The following TRMT13 variants were observed in gnomAD, a reference collection of about 807,000 sequenced individuals.
TRMT13 encodes the protein tRNA:m(4)X modification enzyme TRM13 homolog.
Under a neutral mutation model 55.9 loss-of-function variants are expected in TRMT13, and 45 were observed. That is an observed-to-expected ratio of 0.80 (90% confidence interval 0.63 to 1.03). The LOEUF is 1.03. Ranked by LOEUF, TRMT13 falls within the 50% of genes least tolerant of loss-of-function variation. TRMT13 has a pLI of 0.00. For synonymous variants in TRMT13, 183 were observed against 196.3 expected, an observed-to-expected ratio of 0.93 and a Z score of 0.57; for missense variants, 513 against 563.9, an observed-to-expected ratio of 0.91 and a Z score of 0.91.
chr1:100,135,136 C>G (rs958268142), intron 1 of TRMT13, among the ~76,000 whole-genome samples: 2 of 152,152 alleles, frequency 1.3e-5, no homozygotes, highest in Non-Finnish European at 2.9e-5. Context: ...CTACAAATCA[C>G]AGGACAGCCC....
chr1:100,133,557 C>T (rs778436019), intron 1 of TRMT13, among the ~76,000 whole-genome samples: 10 of 152,144 alleles, frequency 6.6e-5, no homozygotes, highest in Non-Finnish European at 8.8e-5. Flanking sequence ...ATCTATTTAT[C>T]TCGATCTTAA....
Position 100,140,927 on chromosome 1 carries a change from A to G in TRMT13, c.577A>G (p.Lys193Glu). The change falls in exon 7 of 11, where the codon AAG (lysine) becomes GAG (glutamate). Residue 193 changes from lysine (K) to glutamate (E), a missense_variant. By Grantham distance (56) the Lys-to-Glu change is moderately conservative (BLOSUM62 1). Coordinates refer to ENST00000370141, the MANE Select transcript of TRMT13 (RefSeq NM_019083.3). ...ATGCTTTGTTGAGTTTGGAGCGGGA[A>G]AGGGAAAATTATCTCATTGGGTTGA... is the stretch of plus-strand genomic sequence containing the variant. Reference protein sequence around the residue: ...RRCFVEFGAGKGKLSHWVDIA... With the variant: ...RRCFVEFGAGEGKLSHWVDIA... The G allele has an allele frequency of 1.2e-6, 2 of 1,613,872 alleles. No homozygotes were observed. The highest frequency in any genetic ancestry group is 2.2e-5 in the South Asian group (2 of 91,076).
intron 6 of TRMT13, 123 bp downstream of exon 6, chr1:100,140,637 C>A: frequency 1.1e-6 from 1 of 885,722 alleles, no homozygotes; most frequent in Non-Finnish European, 1.7e-6. Flanking sequence ...ATTTCCATTT[C>A]AAAAATATAT....
Position 100,140,432 on chromosome 1 carries a change from A to G in TRMT13, c.419A>G (p.His140Arg), listed in dbSNP as rs756794234. 1.2e-6 allele frequency: 2 copies of G among 1,613,712 alleles called. No homozygotes were observed. The highest frequency in any genetic ancestry group is 1.3e-5 in the African/African-American group (1 of 75,022). ...SEGLNSTLKD[H>R]IMSHPALHDA... ...GGCTTGAATTCTACACTTAAAGATC[A>G]TATTATGTCCCATCCAGCATTACAC... Residue 140 changes from histidine to arginine, a missense_variant, in exon 6 of 11, where the codon CAT becomes CGT. This residue lies in a region of TRMT13 where 298 missense variants were observed against 290.3 expected (regional missense o/e 1.03). Transcript: ENST00000370141.
intron 1 of TRMT13, among the ~76,000 whole-genome samples, chr1:100,133,890 A>G (rs1553219422): frequency 6.6e-6 from 1 of 152,078 alleles, no homozygotes; most frequent in Non-Finnish European, 1.5e-5. Context: ...TACTAAAAAT[A>G]AGAAAATCAG....
chr1:100,133,696 T>A (rs1211820411), intron 1 of TRMT13, among the ~76,000 whole-genome samples: 1 of 152,150 alleles, frequency 6.6e-6, no homozygotes, highest in Admixed American at 6.5e-5. Flanking sequence ...TAATTGTTAT[T>A]TCATGAAAGA....
At chr1:100,141,454 T>G (rs1330817777) in intron 7 of TRMT13, among the ~76,000 whole-genome samples, 1 of 152,138 alleles carries the variant, frequency 6.6e-6, no homozygotes, top group East Asian at 1.9e-4. Context: ...TTCAGCCTCA[T>G]GAGTAGCTGG....
At position 100,139,710 on chromosome 1, in the gene TRMT13, TAGTA is replaced by T; in HGVS notation, c.324+4_324+7del. 6.7e-7 allele frequency: 1 copy of T among 1,499,792 alleles called. No individual in the cohort carries two copies. The highest frequency in any genetic ancestry group is 9.3e-7 in the Non-Finnish European group (1 of 1,080,740). 92.9% of individuals were successfully genotyped at this position (1,499,792 alleles called of 1,614,324 possible). On this transcript the variant is annotated splice_donor_variant and splice_donor_region_variant and coding_sequence_variant and intron_variant, in exon 4 of 11. Transcript: ENST00000370141. LOFTEE classifies it high-confidence loss of function. Reference sequence around the variant, plus strand: ...GATGAAACAGAAATACCTGAACAATTAGTAAGTACATTGACTTAATATTTAATTT... The same window carrying T: ...GATGAAACAGAAATACCTGAACAATTAGTACATTGACTTAATATTTAATTT...
intron 1 of TRMT13, 115 bp downstream of exon 1, chr1:100,133,430 C>T: frequency 1.6e-6 from 2 of 1,267,676 alleles, no homozygotes; most frequent in South Asian, 3.1e-5. Flanking sequence ...CCTGGATTCT[C>T]CAGCTTTCAC....
chr1:100,136,753 T>G, intron 1 of TRMT13, 129 bp from the exon 2 acceptor site: 2 of 910,518 alleles, frequency 2.2e-6, no homozygotes. Flanking sequence ...TTTTGCCAAC[T>G]TTTCATTATG....
In TRMT13 at chr1:100,150,233, A is replaced by G. The variant is rs1657845088; in HGVS notation, c.*1413A>G. 1 of 152,190 alleles carries G rather than the reference A, an allele frequency of 6.6e-6. No homozygotes were observed. The highest frequency in any genetic ancestry group is 2.4e-5 in the African/African-American group (1 of 41,452). The allele number at this position is 152,190 out of a possible 1,614,324, so 9.4% of individuals were successfully genotyped here. A position where few individuals can be genotyped will look rare whatever the true frequency, so the allele number is the denominator to read the frequency against. On this transcript the variant is annotated 3_prime_UTR_variant, in exon 11 of 11. Coordinates refer to ENST00000370141, the MANE Select transcript of TRMT13 (RefSeq NM_019083.3). The stretch of plus-strand genomic sequence containing the variant: ...GTAATAGTAGTGGTAGTAACTCGTG[A>G]ATCTTTTTAATAACATAATAGGCTT...
At position 100,133,327 on chromosome 1, in the gene TRMT13, C is replaced by A. The variant is rs149937321; in HGVS notation, c.147+12C>A. 1 of 1,613,470 alleles carries A rather than the reference C, an allele frequency of 6.2e-7. No individual in the cohort carries two copies. Among genetic ancestry groups the A allele is most frequent in the Non-Finnish European group, 8.5e-7 (1 of 1,179,706 alleles). On this transcript the variant is annotated intron_variant, in intron 1 of 10. Transcript: ENST00000370141. Reference sequence around the variant, plus strand: ...CTGGAGCCGCGGAGGTGTGGTATCGCCCTACTCTCTCAAGAGTCGGAAATA... The same window carrying A: ...CTGGAGCCGCGGAGGTGTGGTATCGACCTACTCTCTCAAGAGTCGGAAATA...
chr1:100,140,155 A>G, intron 4 of TRMT13, 27 bp from the exon 5 acceptor site: 2 of 1,549,458 alleles, frequency 1.3e-6, no homozygotes, highest in Non-Finnish European at 1.8e-6. Context: ...TTTTGGCTAC[A>G]TTATTTAGTT....
chr1:100,136,199 C>A (rs533623907), intron 1 of TRMT13, among the ~76,000 whole-genome samples: 4 of 152,232 alleles, frequency 2.6e-5, no homozygotes, highest in African/African-American at 9.6e-5. Flanking sequence ...GTTGCAAAGC[C>A]AGTAAAATAT....
chr1:100,149,513 C>G lies in TRMT13; in HGVS notation c.*693C>G. The G allele has an allele frequency of 7.5e-7, 1 of 1,333,040 alleles. No individual in the cohort carries two copies. Among genetic ancestry groups the G allele is most frequent in the Non-Finnish European group, 1.0e-6 (1 of 980,866 alleles). 82.6% of individuals were successfully genotyped at this position (1,333,040 alleles called of 1,614,324 possible). On this transcript the variant is annotated 3_prime_UTR_variant, in exon 11 of 11. Transcript: ENST00000370141. ...TCTAGTTAGAACTTCCAAAAAGATA[C>G]TTACAAACATAATTCACAAATTTGA...
At position 100,149,520 on chromosome 1, in the gene TRMT13, A is replaced by G. The variant is rs1174508021; in HGVS notation, c.*700A>G. On this transcript the variant is annotated 3_prime_UTR_variant, in exon 11 of 11. Transcript: ENST00000370141. ...AGAACTTCCAAAAAGATACTTACAA[A>G]CATAATTCACAAATTTGAAATAATT... 4 of 1,279,498 alleles carry G rather than the reference A, an allele frequency of 3.1e-6. No individual in the cohort carries two copies. The highest frequency in any genetic ancestry group is 4.3e-6 in the Non-Finnish European group (4 of 938,474). 79.3% of individuals were successfully genotyped at this position (1,279,498 alleles called of 1,614,324 possible).
intron 8 of TRMT13, 80 bp from the exon 9 acceptor site, chr1:100,143,989 C>G: frequency 8.3e-7 from 1 of 1,201,386 alleles, no homozygotes; most frequent in Non-Finnish European, 1.2e-6. Flanking sequence ...TTCAGAGACT[C>G]TAATTAGTTC....
rs531109631 is a variant in TRMT13 at position 100,135,457 on chromosome 1, C to T, written c.148-1425C>T. ...TCATGGACATGCTGAGAGGCACATT[C>T]GAACAGAAATAAATTTTTAAAAGAA... is the stretch of plus-strand genomic sequence containing the variant. On this transcript the variant is annotated intron_variant, in intron 1 of 10. Transcript: ENST00000370141. 3.3e-5 allele frequency among the ~76,000 whole-genome samples: 5 copies of T among 152,164 alleles called. No individual in the cohort carries two copies. The East Asian group carries it at 5.8e-4, about 18-fold the overall frequency.
rs1373302160 is a variant in TRMT13 at position 100,144,157 on chromosome 1, C to G, written c.817+14C>G. On this transcript the variant is annotated intron_variant, in intron 9 of 10. Coordinates refer to ENST00000370141, the MANE Select transcript of TRMT13 (RefSeq NM_019083.3). ...GTATGGCAACAGGTACGTAAACATA[C>G]TGATAATGTTTACATTAATGCATTA... 2 of 1,602,746 alleles carry G rather than the reference C, an allele frequency of 1.2e-6. No homozygotes were observed. The highest frequency in any genetic ancestry group is 3.3e-5 in the Admixed American group (2 of 59,890).
Sources: allele counts gnomAD v4.1 joint callset (sites outside exome capture counted in the v4.1 genomes callset), GRCh38; gene constraint gnomAD v4.1.1; regional missense constraint gnomAD v4.1.1; transcripts MANE v1.5; gene names NCBI Gene and HGNC (gene_info 2026-07-23, HGNC 2026-07-21).